SCAPER: variants seen among roughly 807,000 people sequenced by gnomAD.
SCAPER encodes S phase cyclin A-associated protein in the endoplasmic reticulum.
Under a neutral mutation model 182.2 loss-of-function variants are expected in SCAPER, and 98 were observed. The observed-to-expected ratio is 0.54, with a 90% CI of 0.46 to 0.64. The LOEUF is 0.64. Ranked by LOEUF, SCAPER falls within the 30% of genes least tolerant of loss-of-function variation. The pLI is 0.00. For synonymous variants in SCAPER, 605 were observed against 564.6 expected, an observed-to-expected ratio of 1.07 and a Z score of -1.01; for missense variants, 1,432 against 1,690.0, an observed-to-expected ratio of 0.85 and a Z score of 2.68.
intron 20 of SCAPER, among the ~76,000 whole-genome samples, chr15:76,691,742 T>G (rs1266787371): frequency 6.6e-6 from 1 of 152,158 alleles, no homozygotes; most frequent in East Asian, 1.9e-4. Context: ...CAAAGAAATT[T>G]GTTCTATTGT....
At chr15:76,706,756 C>T (rs1307365038) in intron 17 of SCAPER, among the ~76,000 whole-genome samples, 2 of 152,080 alleles carry the variant, frequency 1.3e-5, no homozygotes, top group African/African-American at 4.8e-5. Flanking sequence ...TTAACTCACA[C>T]AGCATGCATA....
chr15:76,720,722 G>A (rs1261207040), intron 17 of SCAPER, among the ~76,000 whole-genome samples: 1 of 152,226 alleles, frequency 6.6e-6, no homozygotes, highest in Non-Finnish European at 1.5e-5. Flanking sequence ...CTGCATAAAT[G>A]TCTTCTTTTG....
chr15:76,724,192 T>A (rs577124444), intron 17 of SCAPER, among the ~76,000 whole-genome samples: 1 of 146,706 alleles, frequency 6.8e-6, no homozygotes, highest in East Asian at 2.0e-4. Context: ...TGAAGCTTAG[T>A]TTGGCTGGAT....
intron 24 of SCAPER, among the ~76,000 whole-genome samples, chr15:76,485,808 G>A (rs2051577893): frequency 6.6e-6 from 1 of 152,142 alleles, no homozygotes; most frequent in South Asian, 2.1e-4. Flanking sequence ...TCAATAAACG[G>A]TGCTGGGATA....
rs971425919 is a variant in SCAPER, at chr15:76,592,271, C to G, written c.2712-17987G>C. ...GGAAGATATTTTAGAAATAAAGAGG[C>G]ATTTCAATTATGACTTTATGTAATT... On this transcript the variant is annotated intron_variant, in intron 22 of 31. Transcript: ENST00000563290. 6.4e-5 allele frequency among the ~76,000 whole-genome samples: 4 copies of G among 62,398 alleles called. 1 individual carries two copies. The highest frequency in any genetic ancestry group is 1.3e-4 in the African/African-American group (4 of 31,412). 40.9% of individuals were successfully genotyped at this position (62,398 alleles called of 152,430 possible). A position where few individuals can be genotyped will look rare whatever the true frequency, so the allele number is the denominator to read the frequency against.
intron 17 of SCAPER, among the ~76,000 whole-genome samples, chr15:76,725,704 C>T (rs1445508649): frequency 1.3e-5 from 2 of 151,868 alleles, no homozygotes; most frequent in Non-Finnish European, 2.9e-5. Flanking sequence ...GTATGTAAGT[C>T]AAATAATTTC....
intron 22 of SCAPER, among the ~76,000 whole-genome samples, chr15:76,585,194 T>A (rs973600050): frequency 1.3e-5 from 2 of 152,110 alleles, no homozygotes; most frequent in African/African-American, 4.8e-5. Context: ...TTTCAGAGCT[T>A]TGGGAGGTTA....
intron 23 of SCAPER, among the ~76,000 whole-genome samples, chr15:76,515,593 T>G (rs958705132): frequency 6.6e-6 from 1 of 152,170 alleles, no homozygotes; most frequent in South Asian, 2.1e-4. Flanking sequence ...GGCAGGACCT[T>G]AGAGCTCAGA....
At chr15:76,611,278 G>T (rs566325210) in intron 22 of SCAPER, among the ~76,000 whole-genome samples, 3 of 152,128 alleles carry the variant, frequency 2.0e-5, no homozygotes, top group African/African-American at 7.2e-5. Context: ...GATAAAAAAT[G>T]TAAGACTCGA....
chr15:76,614,431 AT>A (rs1489206813), intron 22 of SCAPER, among the ~76,000 whole-genome samples: 1 of 152,174 alleles, frequency 6.6e-6, no homozygotes, highest in Non-Finnish European at 1.5e-5. Context: ...AAACAAACAA[AT>A]GAAGACTCAA....
intron 26 of SCAPER, among the ~76,000 whole-genome samples, chr15:76,409,787 T>C (rs932038784): frequency 1.3e-5 from 2 of 151,970 alleles, no homozygotes; most frequent in African/African-American, 2.4e-5. Flanking sequence ...AATTCCCAAT[T>C]CTATCTCAAG....
intron 23 of SCAPER, among the ~76,000 whole-genome samples, chr15:76,518,833 T>C (rs2042635481): frequency 5.3e-5 from 8 of 152,228 alleles, no homozygotes; most frequent in Admixed American, 5.2e-4. Context: ...ATGTCACAAA[T>C]AATACCTTCT....
rs532693633 is a variant in SCAPER at position 76,410,784 on chromosome 15, CT to C, written c.3312-6106del. On this transcript the variant is annotated intron_variant, in intron 26 of 31. Coordinates refer to ENST00000563290, the MANE Select transcript of SCAPER (RefSeq NM_020843.4). ...TCAGTTTAGAAGTGTTCTATTCTTG[CT>C]TTTTTTTTTTTCTGTTGTACTTCTC... Among the ~76,000 whole-genome samples, 734 of 144,396 alleles carry C rather than the reference CT, an allele frequency of 5.1e-3. 5 individuals carry two copies. The highest frequency in any genetic ancestry group is 0.018 in the South Asian group (80 of 4,568). The allele number at this position is 144,396 out of a possible 152,430, so 94.7% of individuals were successfully genotyped here.
At chr15:76,587,177 A>C (rs2048730746) in intron 22 of SCAPER, among the ~76,000 whole-genome samples, 2 of 151,916 alleles carry the variant, frequency 1.3e-5, no homozygotes. Context: ...AATTGAGCTT[A>C]TTTGGATCTT....
chr15:76,668,457 C>T (rs968169316), intron 20 of SCAPER, among the ~76,000 whole-genome samples: 10 of 152,196 alleles, frequency 6.6e-5, no homozygotes, highest in African/African-American at 2.4e-4. Flanking sequence ...ATCTACCATT[C>T]TCTTCTTTCT....
At chr15:76,413,642 T>C (rs191194495) in intron 26 of SCAPER, among the ~76,000 whole-genome samples, 1 of 152,322 alleles carries the variant, frequency 6.6e-6, no homozygotes, top group East Asian at 1.9e-4. Flanking sequence ...TCCAGTATAG[T>C]AAAGATAGTG....
At chr15:76,712,453 A>G (rs1487477665) in intron 17 of SCAPER, among the ~76,000 whole-genome samples, 4 of 152,160 alleles carry the variant, frequency 2.6e-5, no homozygotes. Flanking sequence ...ACTTTAAAGT[A>G]GTTTTTTCCA....
chr15:76,750,176 G>GA (rs201584961), intron 15 of SCAPER, among the ~76,000 whole-genome samples: 26 of 147,708 alleles, frequency 1.8e-4, no homozygotes, highest in South Asian at 4.2e-4. Flanking sequence ...ATATCCATAT[G>GA]AAAAAAAAAA....
intron 25 of SCAPER, among the ~76,000 whole-genome samples, chr15:76,451,628 T>A (rs1437720417): frequency 3.9e-5 from 6 of 152,160 alleles, no homozygotes; most frequent in Non-Finnish European, 8.8e-5. Context: ...CTTTAACAGG[T>A]AAGAATGAAC....
Sources: allele counts gnomAD v4.1 joint callset (sites outside exome capture counted in the v4.1 genomes callset), GRCh38; gene constraint gnomAD v4.1.1; transcripts MANE v1.5; gene names NCBI Gene and HGNC (gene_info 2026-07-23, HGNC 2026-07-21).